The following CRIP3 variants were observed in gnomAD, a reference collection of about 807,000 sequenced individuals.
CRIP3 encodes the protein cysteine-rich protein 3.
A neutral mutation model predicts 30.3 loss-of-function variants in CRIP3; 23 were observed. The ratio of observed to expected loss-of-function variants is 0.76; its 90% CI spans 0.55 to 1.08. The LOEUF is 1.08. Ranked by LOEUF, CRIP3 falls within the 50% of genes least tolerant of loss-of-function variation. CRIP3 has a pLI of 0.00. For missense variants in CRIP3, 261 were observed against 259.3 expected, an observed-to-expected ratio of 1.01 and a Z score of -0.04; for synonymous variants, 89 against 97.6, an observed-to-expected ratio of 0.91 and a Z score of 0.52.
rs773618278 is a variant in CRIP3 at position 43,308,799 on chromosome 6, G to T, written c.-7C>A. ...GCGGACAGGTCCAGCTCATAGCTCC[G>T]CTCCAGGCAGCGCACGCGGCACACA... On this transcript the variant is annotated 5_prime_UTR_variant, in exon 1 of 8. Transcript: ENST00000372569. 1.2e-6 allele frequency: 2 copies of T among 1,613,820 alleles called. No homozygotes were observed. The highest frequency in any genetic ancestry group is 1.7e-6 in the Non-Finnish European group (2 of 1,180,004).
rs779822326 is a variant in CRIP3, at chr6:43,307,840, C to T, written c.195G>A (p.Arg65=). 1 of 1,614,058 alleles carries T rather than the reference C, an allele frequency of 6.2e-7. No homozygotes were observed. The highest frequency in any genetic ancestry group is 8.5e-7 in the Non-Finnish European group (1 of 1,179,994). Residue 65 remains arginine, a splice_region_variant and synonymous_variant, in exon 3 of 8, where the codon AGG becomes AGA. Coordinates refer to ENST00000372569, the MANE Select transcript of CRIP3 (RefSeq NM_206922.3). The stretch of plus-strand genomic sequence containing the variant: ...TGGCCCCTTAAGGCTGGTACTTACC[C>T]CTGGGTCCAAAGAGAGCCCCATAGC... The part of the protein sequence containing the change: ...KPCYGALFGP[R]GVNIGGVGSY...
intron 4 of CRIP3, 95 bp downstream of exon 4, chr6:43,307,517 G>C: frequency 8.5e-7 from 1 of 1,170,216 alleles, no homozygotes; most frequent in Non-Finnish European, 1.1e-6. Flanking sequence ...ATGTGAAGCA[G>C]AGGGCTGGAT....
chr6:43,307,574 T>G (rs757843861), intron 4 of CRIP3, 38 bp downstream of exon 4: 15 of 1,397,312 alleles, frequency 1.1e-5, no homozygotes, highest in Admixed American at 1.0e-4. Context: ...TGGGGAAGGG[T>G]CGGGAGGAGG....
Position 43,307,677 on chromosome 6 carries a change from G to A in CRIP3, c.263C>T (p.Thr88Ile). Residue 88 changes from threonine to isoleucine, a missense_variant, in exon 4 of 8, where the codon ACT becomes ATT. Thr to Ile is a moderately conservative substitution (Grantham distance 89). Coordinates refer to ENST00000372569, the MANE Select transcript of CRIP3 (RefSeq NM_206922.3). ...NPPTPSPGCT[T>I]PLSPSSFSPP... ...GCTGAAGCTGCTGGGGCTGAGAGGAGTGGTGCAGCCAGGGCTGGGAGTGGG... is the reference window on the plus strand; with the variant it reads ...GCTGAAGCTGCTGGGGCTGAGAGGAATGGTGCAGCCAGGGCTGGGAGTGGG... 1.3e-6 allele frequency: 2 copies of A among 1,516,344 alleles called. No homozygotes were observed. Among genetic ancestry groups the A allele is most frequent in the South Asian group, 1.3e-5 (1 of 76,292 alleles). The allele number at this position is 1,516,344 out of a possible 1,614,324, so 93.9% of individuals were successfully genotyped here. A position where few individuals can be genotyped will look rare whatever the true frequency, so the allele number is the denominator to read the frequency against.
chr6:43,308,431 C>G (rs778555255), intron 1 of CRIP3, 22 bp from the exon 2 acceptor site: 21 of 1,602,116 alleles, frequency 1.3e-5, no homozygotes, highest in Non-Finnish European at 1.6e-5. Context: ...AAAGTGGAAC[C>G]GAGCTGCGAG....
chr6:43,307,937 G>A (rs757538519), intron 2 of CRIP3, 41 bp from the exon 3 acceptor site: 13 of 1,608,208 alleles, frequency 8.1e-6, no homozygotes, highest in African/African-American at 8.0e-5. Context: ...CAAGGCCAGC[G>A]GGAGCCATGC....
Position 43,305,680 on chromosome 6 carries a change from A to G in CRIP3, c.*134T>C. 2 of 1,117,100 alleles carry G rather than the reference A, an allele frequency of 1.8e-6. No individual in the cohort carries two copies. Among genetic ancestry groups the G allele is most frequent in the Admixed American group, 2.0e-5 (1 of 50,264 alleles). The allele number at this position is 1,117,100 out of a possible 1,614,324, so 69.2% of individuals were successfully genotyped here. The stretch of plus-strand genomic sequence containing the variant: ...GAAAGTCTAGACTCTCTGGCCTACC[A>G]TGGAGCCTAGGCCCAGGCCCCCAAG... On this transcript the variant is annotated 3_prime_UTR_variant, in exon 8 of 8. Coordinates refer to ENST00000372569, the MANE Select transcript of CRIP3 (RefSeq NM_206922.3).
chr6:43,308,260 TG>T, intron 2 of CRIP3, 54 bp downstream of exon 2: 14 of 1,449,764 alleles, frequency 9.7e-6, no homozygotes, highest in African/African-American at 1.4e-5. Flanking sequence ...GGCTGGTGCC[TG>T]GGGGGTGGGA....
chr6:43,307,949 C>G, intron 2 of CRIP3, 53 bp from the exon 3 acceptor site: 2 of 1,596,842 alleles, frequency 1.3e-6, no homozygotes, highest in Non-Finnish European at 1.7e-6. Flanking sequence ...GAGCCATGCC[C>G]CACAGGCCTT....
At chr6:43,306,731 TCTC>T (rs1778942525) in intron 4 of CRIP3, 1 of 525,230 alleles carries the variant, frequency 1.9e-6, no homozygotes, top group African/African-American at 1.9e-5. Flanking sequence ...TCTGCTTCCT[TCTC>T]CTGCTTCCTT....
rs1237538854 is a variant in CRIP3, at chr6:43,306,462, C to T, written c.384G>A (p.Gly128=). 1 of 1,613,512 alleles carries T rather than the reference C, an allele frequency of 6.2e-7. No homozygotes were observed. The highest frequency in any genetic ancestry group is 1.3e-5 in the African/African-American group (1 of 74,876). ...GTTACTTACCAAAATAGACGGGCTC[C>T]CCACAGCCAGGGCACAGCGAGGTCT... The part of the protein sequence containing the change: ...TGETSLCPGC[G]EPVYFAEKVM... Residue 128 remains glycine, a synonymous_variant, in exon 5 of 8, where the codon GGG becomes GGA. Coordinates refer to ENST00000372569, the MANE Select transcript of CRIP3 (RefSeq NM_206922.3).
intron 4 of CRIP3, chr6:43,306,725 C>T: frequency 1.9e-6 from 1 of 537,000 alleles, no homozygotes; most frequent in Non-Finnish European, 3.3e-6. Flanking sequence ...GGACTATCTG[C>T]TTCCTTCTCC....
chr6:43,307,313 T>G (rs1778961607), intron 4 of CRIP3: 1 of 183,720 alleles, frequency 5.4e-6, no homozygotes, highest in Non-Finnish European at 1.1e-5. Context: ...CTAATTTTTG[T>G]ATTTTTAGTA....
At chr6:43,308,438 C>G (rs370737524) in intron 1 of CRIP3, 29 bp from the exon 2 acceptor site, 2 of 1,591,836 alleles carry the variant, frequency 1.3e-6, no homozygotes, top group African/African-American at 2.7e-5. Flanking sequence ...AACCGAGCTG[C>G]GAGGAGCCTG....
At chr6:43,308,280 T>C (rs570599939) in intron 2 of CRIP3, 35 bp downstream of exon 2, 1 of 1,535,436 alleles carries the variant, frequency 6.5e-7, no homozygotes, top group South Asian at 1.2e-5. Context: ...GAGGCAGTGA[T>C]GTAAACAGGG....
Position 43,305,555 on chromosome 6 carries a change from T to C in CRIP3, c.*259A>G. 5.5e-6 allele frequency: 3 copies of C among 545,924 alleles called. No homozygotes were observed. The highest frequency in any genetic ancestry group is 1.9e-5 in the African/African-American group (1 of 52,960). 33.8% of individuals were successfully genotyped at this position (545,924 alleles called of 1,614,324 possible). A position where few individuals can be genotyped will look rare whatever the true frequency, so the allele number is the denominator to read the frequency against. On this transcript the variant is annotated 3_prime_UTR_variant, in exon 8 of 8. Transcript: ENST00000372569. ...TTATGAGTACCTTGAAGCTCCAGAA[T>C]GTGCTGGGGAAAGGGGTTGTGATGG...
chr6:43,305,718 C>T lies in CRIP3; in HGVS notation c.*96G>A. Reference sequence around the variant, plus strand: ...CCAGGCCCCCAAGATCCCACCTTCCCCAACCCCCATGGGACTGGAGATTTT... The same window carrying T: ...CCAGGCCCCCAAGATCCCACCTTCCTCAACCCCCATGGGACTGGAGATTTT... On this transcript the variant is annotated 3_prime_UTR_variant, in exon 8 of 8. Coordinates refer to ENST00000372569, the MANE Select transcript of CRIP3 (RefSeq NM_206922.3). The T allele has an allele frequency of 1.3e-6, 2 of 1,509,882 alleles. No homozygotes were observed. The highest frequency in any genetic ancestry group is 2.3e-5 in the South Asian group (2 of 88,476). The allele number at this position is 1,509,882 out of a possible 1,614,324, so 93.5% of individuals were successfully genotyped here.
At chr6:43,308,445 C>A (rs777506591) in intron 1 of CRIP3, 36 bp from the exon 2 acceptor site, 1 of 1,575,244 alleles carries the variant, frequency 6.3e-7, no homozygotes, top group South Asian at 1.1e-5. Flanking sequence ...CTGCGAGGAG[C>A]CTGTCCAAGC....
rs70953697 is a variant in CRIP3 at position 43,305,487 on chromosome 6, T to G, written c.*327A>C. 343 of 384,464 alleles carry G rather than the reference T, an allele frequency of 8.9e-4. 4 individuals are homozygous for G. Among genetic ancestry groups the G allele is most frequent in the South Asian group, 8.7e-3 (328 of 37,706 alleles). The allele number at this position is 384,464 out of a possible 1,614,324, so 23.8% of individuals were successfully genotyped here. On this transcript the variant is annotated 3_prime_UTR_variant, in exon 8 of 8. Transcript: ENST00000372569. Reference sequence around the variant, plus strand: ...GTTGAAGGCATGGGAGCCAACATTTTATTGAAGAAGCCACAGAGGCTGAAA... The same window carrying G: ...GTTGAAGGCATGGGAGCCAACATTTGATTGAAGAAGCCACAGAGGCTGAAA...
Sources: gnomAD v4.1 joint callset for allele counts on GRCh38, gnomAD v4.1.1 for gene constraint, MANE v1.5 for transcripts, NCBI Gene and HGNC (gene_info 2026-07-23, HGNC 2026-07-21) for gene names.